POU1F1: variants seen among roughly 807,000 people sequenced by gnomAD.
The protein encoded by POU1F1 is pituitary-specific positive transcription factor 1.
Under a neutral mutation model 32.3 loss-of-function variants are expected in POU1F1, and 23 were observed. The ratio of observed to expected loss-of-function variants is 0.71; its 90% confidence interval spans 0.51 to 1.01. The LOEUF (loss-of-function observed/expected upper bound fraction) is 1.01, where lower values mean the gene tolerates loss of function less well. Among genes scored for constraint, POU1F1 ranks in the 50% least tolerant of loss-of-function variants. POU1F1 has a pLI of 0.00. For synonymous variants in POU1F1, 120 were observed against 115.6 expected, an observed-to-expected ratio of 1.04 and a Z score of -0.25; for missense variants, 323 against 341.6, an observed-to-expected ratio of 0.95 and a Z score of 0.43.
At chr3:87,262,339 A>C in intron 3 of POU1F1, 104 bp from the exon 4 acceptor site, 5 of 1,250,516 alleles carry the variant, frequency 4.0e-6, no homozygotes, top group Non-Finnish European at 5.7e-6. Context: ...ATTACACACT[A>C]TTTTTTAACT....
intron 1 of POU1F1, 76 bp downstream of exon 1, chr3:87,276,245 T>C (rs1706822812): frequency 6.6e-7 from 1 of 1,520,712 alleles, no homozygotes; most frequent in South Asian, 1.1e-5. Flanking sequence ...AAGAGATTAT[T>C]AACTATCAAG....
chr3:87,261,544 T>G (rs1706515034), intron 4 of POU1F1, among the ~76,000 whole-genome samples: 1 of 152,216 alleles, frequency 6.6e-6, no homozygotes, highest in South Asian at 2.1e-4. Flanking sequence ...AGACACTTTC[T>G]ACAAATAATA....
At chr3:87,269,938 G>A (rs1265811224) in intron 2 of POU1F1, among the ~76,000 whole-genome samples, 4 of 152,108 alleles carry the variant, frequency 2.6e-5, no homozygotes, top group African/African-American at 9.7e-5. Flanking sequence ...CAGAAAGGGT[G>A]AACCCCCATT....
At chr3:87,274,350 T>A (rs1480429685) in intron 1 of POU1F1, among the ~76,000 whole-genome samples, 1 of 152,054 alleles carries the variant, frequency 6.6e-6, no homozygotes, top group African/African-American at 2.4e-5. Context: ...CTTATATATT[T>A]TATTTTCTCA....
At chr3:87,263,923 C>T (rs1268474376) in intron 3 of POU1F1, among the ~76,000 whole-genome samples, 2 of 151,716 alleles carry the variant, frequency 1.3e-5, no homozygotes, top group South Asian at 2.1e-4. Flanking sequence ...GAACTAACAA[C>T]GATATACAGA....
chr3:87,273,211 T>C, intron 2 of POU1F1, 136 bp downstream of exon 2: 1 of 935,112 alleles, frequency 1.1e-6, no homozygotes, highest in Non-Finnish European at 1.6e-6. Flanking sequence ...AAACAAGAAG[T>C]GGTGATTTTT....
rs947693580 is a variant in POU1F1, at chr3:87,259,654, C to T, written c.*240G>A. ...GAGAGACAGAGAGATCATTTTATTA[C>T]TGTTAATATATTTGGCTTAAAATAG... On this transcript the variant is annotated 3_prime_UTR_variant, in exon 6 of 6. Transcript: ENST00000350375. 5 of 486,878 alleles carry T rather than the reference C, an allele frequency of 1.0e-5. No homozygotes were observed. The highest frequency in any genetic ancestry group is 3.9e-5 in the African/African-American group (2 of 51,194). 30.2% of individuals were successfully genotyped at this position (486,878 alleles called of 1,614,324 possible). A position where few individuals can be genotyped will look rare whatever the true frequency, so the allele number is the denominator to read the frequency against.
At chr3:87,266,250 A>C (rs1410092710) in intron 2 of POU1F1, among the ~76,000 whole-genome samples, 1 of 146,848 alleles carries the variant, frequency 6.8e-6, no homozygotes, top group South Asian at 2.1e-4. Flanking sequence ...TATAAAATTT[A>C]TATTTTATAT....
rs544602289 is a variant in POU1F1, at chr3:87,264,229, A to T, written c.439+59T>A. 4 of 1,319,458 alleles carry T rather than the reference A, an allele frequency of 3.0e-6. No homozygotes were observed. The South Asian group carries it at 4.7e-5, about 16-fold the overall frequency. The allele number at this position is 1,319,458 out of a possible 1,614,324, so 81.7% of individuals were successfully genotyped here. A position where few individuals can be genotyped will look rare whatever the true frequency, so the allele number is the denominator to read the frequency against. On this transcript the variant is annotated intron_variant, in intron 3 of 5. Coordinates refer to ENST00000350375, the MANE Select transcript of POU1F1 (RefSeq NM_000306.4). ...TTTTTAGCAATATATAAGAGATTTA[A>T]CAGCAATAAAGATTTGCAAACCAAG...
Position 87,261,342 on chromosome 3 carries a change from T to C in POU1F1, c.605-9A>G, listed in dbSNP as rs371899469. 36 of 1,580,570 alleles carry C rather than the reference T, an allele frequency of 2.3e-5. No homozygotes were observed. The highest frequency in any genetic ancestry group is 3.0e-5 in the Non-Finnish European group (35 of 1,155,518). ...TTTTTCATTGTACAAAGCTATAATGTGGAAAAGAGAGATAATTACAAACAC... is the reference window on the plus strand; with the variant it reads ...TTTTTCATTGTACAAAGCTATAATGCGGAAAAGAGAGATAATTACAAACAC... On this transcript the variant is annotated splice_polypyrimidine_tract_variant and intron_variant, in intron 4 of 5. Transcript: ENST00000350375.
At chr3:87,271,048 T>C (rs1208024765) in intron 2 of POU1F1, among the ~76,000 whole-genome samples, 1 of 152,164 alleles carries the variant, frequency 6.6e-6, no homozygotes, top group Non-Finnish European at 1.5e-5. Flanking sequence ...ACAGAATATA[T>C]TTAATCTTAA....
chr3:87,264,894 T>C (rs552051366), intron 2 of POU1F1, among the ~76,000 whole-genome samples: 19 of 152,150 alleles, frequency 1.2e-4, no homozygotes, highest in Admixed American at 1.0e-3. Flanking sequence ...TTGAACTCTG[T>C]TTTCTTAATT....
chr3:87,262,145 T>C lies in POU1F1; in HGVS notation c.530A>G (p.Gln177Arg), dbSNP rs1706525681. Residue 177 changes from glutamine to arginine, a missense_variant, in exon 4 of 6, where the codon CAG (glutamine) becomes CGG (arginine). Physicochemically the swap from Gln to Arg is conservative, Grantham distance 43. Coordinates refer to ENST00000350375, the MANE Select transcript of POU1F1 (RefSeq NM_000306.4). The part of the protein sequence containing the change: ...QTTICRFENL[Q>R]LSFKNACKLK... ...TTTGCATGCATTTTTAAAGCTGAGC[T>C]GCAGATTTTCAAATCGGCAGATTGT... 3 of 1,614,168 alleles carry C rather than the reference T, an allele frequency of 1.9e-6. No homozygotes were observed. The highest frequency in any genetic ancestry group is 2.5e-6 in the Non-Finnish European group (3 of 1,180,000).
At chr3:87,261,851 A>G (rs1706519832) in intron 4 of POU1F1, among the ~76,000 whole-genome samples, 1 of 152,170 alleles carries the variant, frequency 6.6e-6, no homozygotes, top group Non-Finnish European at 1.5e-5. Context: ...TTCCTTATAT[A>G]GGTTATTCTA....
intron 4 of POU1F1, 103 bp downstream of exon 4, chr3:87,261,968 A>G (rs971506871): frequency 1.6e-5 from 22 of 1,394,004 alleles, no homozygotes; most frequent in Non-Finnish European, 2.1e-5. Context: ...GAAAAGGCGG[A>G]AAAAAACCCC....
intron 1 of POU1F1, 84 bp downstream of exon 1, chr3:87,276,237 G>A (rs1235349141): frequency 1.3e-6 from 2 of 1,502,912 alleles, no homozygotes; most frequent in East Asian, 2.3e-5. Context: ...AAGATGCAAA[G>A]AGATTATTAA....
At chr3:87,261,895 C>G (rs1039186132) in intron 4 of POU1F1, among the ~76,000 whole-genome samples, 176 bp downstream of exon 4, 1 of 152,000 alleles carries the variant, frequency 6.6e-6, no homozygotes, top group African/African-American at 2.4e-5. Flanking sequence ...CTTACATTGC[C>G]CTTCCTTTTT....
At chr3:87,261,430 C>T in intron 4 of POU1F1, 97 bp from the exon 5 acceptor site, 2 of 956,224 alleles carry the variant, frequency 2.1e-6, no homozygotes, top group Non-Finnish European at 1.6e-6. Context: ...TAAAACAATG[C>T]AAAATAAAAA....
chr3:87,275,836 A>G (rs1706815759), intron 1 of POU1F1, among the ~76,000 whole-genome samples: 1 of 152,132 alleles, frequency 6.6e-6, no homozygotes. Flanking sequence ...ATTTTATTCT[A>G]TGAAATCCAT....
Sources: gnomAD v4.1 joint callset for allele counts (sites outside exome capture counted in the v4.1 genomes callset) on GRCh38, gnomAD v4.1.1 for gene constraint, MANE v1.5 for transcripts, NCBI Gene and HGNC (gene_info 2026-07-23, HGNC 2026-07-21) for gene names.